The following LRRC4C variants were observed in gnomAD, a reference collection of about 807,000 sequenced individuals.
LRRC4C encodes the protein leucine-rich repeat-containing protein 4C.
In LRRC4C, 5 loss-of-function variants were observed where a neutral mutation model predicts 33.6. The ratio of observed to expected loss-of-function variants is 0.15; its 90% CI spans 0.08 to 0.31. The LOEUF is 0.31. LRRC4C is among the 10% of genes least tolerant of loss of function. The pLI is 1.00. For missense variants in LRRC4C, 560 were observed against 796.7 expected (o/e 0.70, Z 3.58); for synonymous variants, 329 against 302.0 (o/e 1.09, Z -0.93).
rs58328707 is a variant in LRRC4C at position 41,262,862 on chromosome 11, T to C, written c.-496+196569A>G. Among the ~76,000 whole-genome samples the C allele has an allele frequency of 4.3e-3, 650 of 152,266 alleles. 3 individuals are homozygous for C. The highest frequency in any genetic ancestry group is 0.014 in the African/African-American group (570 of 41,568). On this transcript the variant is annotated intron_variant, in intron 1 of 6. Transcript: ENST00000528697. ...AATGACAGAGCCCAACAGTCATTGC[T>C]TACCTGAGAATTTAAGTGTTTTCCT...
chr11:40,137,794 A>T (rs967612866), intron 6 of LRRC4C, among the ~76,000 whole-genome samples: 1 of 152,172 alleles, frequency 6.6e-6, no homozygotes, highest in East Asian at 1.9e-4. Flanking sequence ...TCTCATTGTT[A>T]TCAGGATAAC....
chr11:40,433,394 T>G (rs1268410386), intron 3 of LRRC4C, among the ~76,000 whole-genome samples: 1 of 149,572 alleles, frequency 6.7e-6, no homozygotes, highest in Non-Finnish European at 1.5e-5. Flanking sequence ...CATGAGTTAC[T>G]GATATAATAT....
chr11:40,609,924 C>T (rs772213971), intron 3 of LRRC4C, among the ~76,000 whole-genome samples: 45 of 151,836 alleles, frequency 3.0e-4, no homozygotes, highest in Non-Finnish European at 5.9e-4. Context: ...GAGAAAAGTC[C>T]AGAACCAGAT....
At chr11:41,030,801 C>T (rs1056980847) in intron 1 of LRRC4C, among the ~76,000 whole-genome samples, 2 of 151,714 alleles carry the variant, frequency 1.3e-5, no homozygotes, top group Non-Finnish European at 2.9e-5. Flanking sequence ...CTGTTATACA[C>T]ACACATACAC....
At chr11:40,901,853 G>A (rs1956214534) in intron 2 of LRRC4C, among the ~76,000 whole-genome samples, 1 of 151,772 alleles carries the variant, frequency 6.6e-6, no homozygotes, top group African/African-American at 2.4e-5. Context: ...CTTGTATTAT[G>A]GTGTTAATTT....
rs1852075369 is a variant in LRRC4C, at chr11:40,976,217, T to C, written c.-495-42494A>G. On this transcript the variant is annotated intron_variant, in intron 1 of 6. Transcript: ENST00000528697. Reference sequence around the variant, plus strand: ...CTCACAGTGCTGCAGCTCAGGTAAATGGGGGAAAGGATTCTAGGATGTGAA... The same window carrying C: ...CTCACAGTGCTGCAGCTCAGGTAAACGGGGGAAAGGATTCTAGGATGTGAA... Among the ~76,000 whole-genome samples, 2 of 152,110 alleles carry C rather than the reference T, an allele frequency of 1.3e-5. 1 individual carries two copies. The highest frequency in any genetic ancestry group is 4.1e-4 in the South Asian group (2 of 4,830).
chr11:41,187,273 GTACAAATCCC>G (rs1945736265), intron 1 of LRRC4C, among the ~76,000 whole-genome samples: 2 of 152,256 alleles, frequency 1.3e-5, no homozygotes, highest in East Asian at 3.9e-4. Flanking sequence ...TTATGTGTCT[GTACAAATCCC>G]GAGGCTGTAG....
At chr11:40,855,098 A>G (rs1953716699) in intron 2 of LRRC4C, among the ~76,000 whole-genome samples, 1 of 152,144 alleles carries the variant, frequency 6.6e-6, no homozygotes, top group African/African-American at 2.4e-5. Flanking sequence ...CCATAATCCA[A>G]AATGTCTGGA....
intron 2 of LRRC4C, among the ~76,000 whole-genome samples, chr11:40,826,712 C>T (rs1206935057): frequency 1.3e-5 from 2 of 151,912 alleles, no homozygotes; most frequent in African/African-American, 2.4e-5. Flanking sequence ...ACACAACAGG[C>T]AATTCAAGTA....
At chr11:40,597,466 T>C (rs991864413) in intron 3 of LRRC4C, among the ~76,000 whole-genome samples, 1 of 152,176 alleles carries the variant, frequency 6.6e-6, no homozygotes, top group African/African-American at 2.4e-5. Context: ...ATCTCTATTG[T>C]CTATCATCAA....
chr11:40,785,695 C>G (rs919348480), intron 2 of LRRC4C, among the ~76,000 whole-genome samples: 2 of 152,136 alleles, frequency 1.3e-5, no homozygotes, highest in South Asian at 2.1e-4. Context: ...TACACAAAAA[C>G]AATACACTTT....
At chr11:41,001,732 A>G (rs966235005) in intron 1 of LRRC4C, among the ~76,000 whole-genome samples, 1 of 152,178 alleles carries the variant, frequency 6.6e-6, no homozygotes, top group Non-Finnish European at 1.5e-5. Context: ...TATTGATGAG[A>G]TGATTTAGCA....
At chr11:41,397,004 G>T (rs1953844579) in intron 1 of LRRC4C, among the ~76,000 whole-genome samples, 1 of 151,964 alleles carries the variant, frequency 6.6e-6, no homozygotes, top group Non-Finnish European at 1.5e-5. Context: ...TCAACGCTAT[G>T]AAGATGTAAA....
intron 5 of LRRC4C, among the ~76,000 whole-genome samples, chr11:40,206,844 G>C (rs1241938077): frequency 1.3e-5 from 2 of 152,132 alleles, no homozygotes; most frequent in Non-Finnish European, 2.9e-5. Context: ...GTTCTTAACA[G>C]ATAGAATTCA....
chr11:41,231,804 A>T (rs924158912), intron 1 of LRRC4C, among the ~76,000 whole-genome samples: 10 of 151,862 alleles, frequency 6.6e-5, no homozygotes, highest in Non-Finnish European at 1.2e-4. Context: ...TATATATACA[A>T]ATATATGTAG....
intron 4 of LRRC4C, among the ~76,000 whole-genome samples, chr11:40,245,683 G>T (rs1304792558): frequency 2.6e-5 from 4 of 152,010 alleles, no homozygotes; most frequent in Non-Finnish European, 4.4e-5. Flanking sequence ...CTGGCGGCAT[G>T]AATTCAATCA....
intron 5 of LRRC4C, among the ~76,000 whole-genome samples, chr11:40,225,047 G>A (rs1864684230): frequency 6.6e-6 from 1 of 152,136 alleles, no homozygotes; most frequent in South Asian, 2.1e-4. Flanking sequence ...AAAATATGAA[G>A]AGACCAGTAA....
intron 1 of LRRC4C, among the ~76,000 whole-genome samples, chr11:41,437,897 G>A (rs891511700): frequency 2.6e-5 from 4 of 152,024 alleles, no homozygotes; most frequent in African/African-American, 9.7e-5. Flanking sequence ...AATTAGCTGG[G>A]CGTGGTTGTG....
At chr11:40,775,700 A>G (rs1949964066) in intron 2 of LRRC4C, among the ~76,000 whole-genome samples, 1 of 152,148 alleles carries the variant, frequency 6.6e-6, no homozygotes, top group Non-Finnish European at 1.5e-5. Context: ...TTTTTAAGAT[A>G]CAAAATCATA....
Sources: allele counts gnomAD v4.1 joint callset (sites outside exome capture counted in the v4.1 genomes callset), GRCh38; gene constraint gnomAD v4.1.1; transcripts MANE v1.5; gene names NCBI Gene and HGNC (gene_info 2026-07-23, HGNC 2026-07-21).